Variants in CFAP70 observed in about 807,000 individuals in gnomAD.
CFAP70 encodes the protein cilia and flagella associated protein 70.
A neutral mutation model predicts 137.6 loss-of-function variants in CFAP70; 81 were observed. The observed-to-expected ratio is 0.59, with a 90% confidence interval of 0.49 to 0.71. The LOEUF (loss-of-function observed/expected upper bound fraction) is 0.71, where lower values mean the gene tolerates loss of function less well. CFAP70 is among the 30% of genes least tolerant of loss of function. The probability of loss-of-function intolerance (pLI) is 0.00; values close to 1 mark genes in which losing one functional copy is unlikely to be tolerated. For synonymous variants in CFAP70, 382 were observed against 423.6 expected, an observed-to-expected ratio of 0.90 and a Z score of 1.20; for missense variants, 976 against 1,226.7, an observed-to-expected ratio of 0.80 and a Z score of 3.05.
intron 25 of CFAP70, among the ~76,000 whole-genome samples, chr10:73,264,044 A>G (rs1235400750): frequency 6.6e-6 from 1 of 152,166 alleles, no homozygotes; most frequent in African/African-American, 2.4e-5. Context: ...TCCTTGTTTT[A>G]GCCAGCAGGT....
At chr10:73,331,689 A>AT (rs1248037240) in intron 7 of CFAP70, among the ~76,000 whole-genome samples, 1 of 151,954 alleles carries the variant, frequency 6.6e-6, no homozygotes, top group African/African-American at 2.4e-5. Flanking sequence ...CAAAAAAAAA[A>AT]TTTTTTTTCT....
intron 6 of CFAP70, among the ~76,000 whole-genome samples, chr10:73,338,944 C>T (rs1006140950): frequency 1.3e-5 from 2 of 148,544 alleles, no homozygotes; most frequent in Non-Finnish European, 1.5e-5. Context: ...TTTTGAGACA[C>T]GGTCTCGCTC....
At chr10:73,287,840 G>A (rs1382705576) in intron 19 of CFAP70, among the ~76,000 whole-genome samples, 2 of 149,498 alleles carry the variant, frequency 1.3e-5, no homozygotes, top group African/African-American at 4.9e-5. Flanking sequence ...AAAATGGACT[G>A]ATGCATTTTA....
intron 4 of CFAP70, among the ~76,000 whole-genome samples, chr10:73,347,504 G>T (rs971985862): frequency 6.6e-6 from 1 of 152,198 alleles, no homozygotes; most frequent in Non-Finnish European, 1.5e-5. Context: ...ACTGGTTGTA[G>T]TTAGGGTCTG....
chr10:73,282,781 G>A (rs1247143304), intron 19 of CFAP70, among the ~76,000 whole-genome samples: 1 of 146,176 alleles, frequency 6.8e-6, no homozygotes. Flanking sequence ...GGAATATTTA[G>A]ATATGCGTTG....
chr10:73,292,288 C>G (rs1172786670), intron 16 of CFAP70, among the ~76,000 whole-genome samples: 1 of 152,078 alleles, frequency 6.6e-6, no homozygotes, highest in Non-Finnish European at 1.5e-5. Context: ...CATCTAATAC[C>G]TTGGGAGCCT....
At chr10:73,281,485 A>C (rs548602207) in intron 19 of CFAP70, among the ~76,000 whole-genome samples, 1 of 152,018 alleles carries the variant, frequency 6.6e-6, no homozygotes, top group African/African-American at 2.4e-5. Flanking sequence ...CAAATACTTG[A>C]AGTTTTCCTA....
At chr10:73,290,517 A>C (rs2048098535) in intron 19 of CFAP70, among the ~76,000 whole-genome samples, 1 of 152,234 alleles carries the variant, frequency 6.6e-6, no homozygotes, top group Non-Finnish European at 1.5e-5. Context: ...AAAATTTATC[A>C]AATTGTACAT....
intron 25 of CFAP70, among the ~76,000 whole-genome samples, chr10:73,257,534 AG>A (rs1234475449): frequency 2.0e-5 from 3 of 152,208 alleles, no homozygotes; most frequent in African/African-American, 4.8e-5. Flanking sequence ...TCGTGTCTGA[AG>A]GGGACCTGGG....
chr10:73,353,792 T>C, intron 2 of CFAP70, 50 bp from the exon 3 acceptor site: 2 of 1,568,260 alleles, frequency 1.3e-6, no homozygotes, highest in Non-Finnish European at 1.7e-6. Context: ...TAGAGAATTT[T>C]CCCACACATC....
At chr10:73,310,021 CAACA>C (rs2049777202) in intron 12 of CFAP70, 133 bp downstream of exon 13, 3 of 534,016 alleles carry the variant, frequency 5.6e-6, no homozygotes, top group Non-Finnish European at 9.8e-6. Flanking sequence ...ATAACAACAA[CAACA>C]AAAACTTCAT....
intron 25 of CFAP70, among the ~76,000 whole-genome samples, chr10:73,265,977 C>G (rs1589265372): frequency 6.6e-6 from 1 of 151,394 alleles, no homozygotes; most frequent in South Asian, 2.1e-4. Context: ...TTGCCTTAAA[C>G]TTAGATATTA....
At chr10:73,343,633 C>T (rs1173523468) in intron 5 of CFAP70, among the ~76,000 whole-genome samples, 5 of 152,006 alleles carry the variant, frequency 3.3e-5, no homozygotes, top group Non-Finnish European at 5.9e-5. Context: ...TGCTTGAACC[C>T]GGGAGGCACA....
chr10:73,292,857 T>C (rs1415653086), intron 16 of CFAP70, among the ~76,000 whole-genome samples: 1 of 152,114 alleles, frequency 6.6e-6, no homozygotes, highest in Non-Finnish European at 1.5e-5. Flanking sequence ...TTATCACATT[T>C]TTCTTTGATC....
chr10:73,275,654 C>T lies in CFAP70; in HGVS notation c.2521-56G>A, dbSNP rs995786505. On this transcript the variant is annotated intron_variant, in intron 21 of 26. Coordinates refer to ENST00000310715, the Ensembl canonical transcript of CFAP70. This position sits in a 1 kb window ranked among gnomAD's most constrained non-coding sequence, Gnocchi z 4.0. ...ATAAATGGCTGCATTGCGTCTTTTT[C>T]GGTTGAAGGATTCTGTCTCTGATAA... 2.4e-5 allele frequency: 34 copies of T among 1,387,764 alleles called. No individual in the cohort carries two copies. The highest frequency in any genetic ancestry group is 4.9e-5 in the South Asian group (3 of 61,202). The allele number at this position is 1,387,764 out of a possible 1,614,324, so 86.0% of individuals were successfully genotyped here. A position where few individuals can be genotyped will look rare whatever the true frequency, so the allele number is the denominator to read the frequency against.
At chr10:73,336,008 G>T (rs2052617982) in intron 6 of CFAP70, among the ~76,000 whole-genome samples, 1 of 151,802 alleles carries the variant, frequency 6.6e-6, no homozygotes, top group Non-Finnish European at 1.5e-5. Context: ...AAGTGTGGTG[G>T]CATGAGCCTG....
chr10:73,340,851 G>A (rs971050610), intron 6 of CFAP70, among the ~76,000 whole-genome samples: 4 of 152,212 alleles, frequency 2.6e-5, no homozygotes, highest in South Asian at 2.1e-4. Flanking sequence ...CCAAGCCTGT[G>A]GGGGCAGGAG....
intron 19 of CFAP70, among the ~76,000 whole-genome samples, chr10:73,288,502 T>A (rs2047917726): frequency 6.6e-6 from 1 of 152,160 alleles, no homozygotes. Flanking sequence ...CAACTACTTC[T>A]CTATGAGAGG....
chr10:73,340,845 G>T (rs2053182046), intron 6 of CFAP70, among the ~76,000 whole-genome samples: 2 of 152,246 alleles, frequency 1.3e-5, no homozygotes, highest in Admixed American at 1.3e-4. Context: ...GCACTTCCAA[G>T]CCTGTGGGGG....
Sources: gnomAD v4.1 joint callset for allele counts (sites outside exome capture counted in the v4.1 genomes callset) on GRCh38, gnomAD v4.1.1 for gene constraint, Gnocchi (gnomAD v3.1) non-coding constraint, MANE v1.5 for transcripts, NCBI Gene and HGNC (gene_info 2026-07-23, HGNC 2026-07-21) for gene names.